CA13: variants seen among roughly 807,000 people sequenced by gnomAD.
The protein encoded by CA13 is CA-XIII.
A neutral mutation model predicts 31.5 loss-of-function variants in CA13; 21 were observed. The observed-to-expected ratio is 0.67, with a 90% CI of 0.47 to 0.96. CA13 has a LOEUF of 0.96. Among genes scored for constraint, CA13 ranks in the 40% least tolerant of loss-of-function variants. The pLI, the probability that CA13 is intolerant of heterozygous loss-of-function variation, is 0.00. For missense variants in CA13, 315 were observed against 318.9 expected (o/e 0.99, Z 0.09); for synonymous variants, 117 against 111.4 (o/e 1.05, Z -0.32).
chr8:85,257,717 A>AC (rs1554689438), intron 2 of CA13, among the ~76,000 whole-genome samples: 2 of 149,920 alleles, frequency 1.3e-5, no homozygotes, highest in East Asian at 1.9e-4. Context: ...AAAAAAAAAA[A>AC]CAAAAACGAA....
chr8:85,261,739 A>G (rs1807383381), intron 3 of CA13, among the ~76,000 whole-genome samples: 1 of 152,150 alleles, frequency 6.6e-6, no homozygotes, highest in African/African-American at 2.4e-5. Context: ...GTATATATAT[A>G]TATATGTTTG....
chr8:85,275,333 T>G (rs1450663084), intron 6 of CA13, among the ~76,000 whole-genome samples: 1 of 152,138 alleles, frequency 6.6e-6, no homozygotes. Flanking sequence ...ACTGGAAGTG[T>G]GCAGGACTGT....
intron 6 of CA13, among the ~76,000 whole-genome samples, chr8:85,275,774 C>T (rs551338103): frequency 6.6e-6 from 1 of 152,330 alleles, no homozygotes; most frequent in Non-Finnish European, 1.5e-5. Context: ...TAACTTTTCC[C>T]CGATTCAACA....
intron 3 of CA13, among the ~76,000 whole-genome samples, chr8:85,263,179 T>A (rs1281199204): frequency 6.6e-6 from 1 of 152,126 alleles, no homozygotes; most frequent in Non-Finnish European, 1.5e-5. Flanking sequence ...GAGGAGAAAG[T>A]CATTGGCCTA....
rs531595623 is a variant in CA13 at position 85,264,440 on chromosome 8, C to CT, written c.355-2159dup. 9.6e-3 allele frequency among the ~76,000 whole-genome samples: 1,453 copies of CT among 150,860 alleles called. 12 individuals are homozygous for CT. The highest frequency in any genetic ancestry group is 0.014 in the Non-Finnish European group (977 of 67,600). On this transcript the variant is annotated intron_variant, in intron 3 of 6. Transcript: ENST00000321764. ...TTGTTAGTCAGGAAATGTGAGTTTG[C>CT]TTTTTTTTTGTTTTAATTAAAATAT... is the stretch of plus-strand genomic sequence containing the variant.
chr8:85,269,875 AT>A (rs200116373), intron 6 of CA13, among the ~76,000 whole-genome samples: 16 of 149,556 alleles, frequency 1.1e-4, no homozygotes, highest in African/African-American at 2.5e-4. Flanking sequence ...TGCCTGGCTT[AT>A]TTTTTTTTTG....
chr8:85,254,890 G>T (rs1375160335), intron 2 of CA13, among the ~76,000 whole-genome samples: 3 of 146,594 alleles, frequency 2.0e-5, no homozygotes, highest in Non-Finnish European at 4.5e-5. Context: ...ATTTTGTAAA[G>T]AAGCCATTTT....
chr8:85,249,903 G>A, intron 1 of CA13: 2 of 420,130 alleles, frequency 4.8e-6, no homozygotes, highest in Non-Finnish European at 9.4e-6. Flanking sequence ...GATTGAAAAG[G>A]GAACTGTTAG....
chr8:85,282,330 CAT>C lies in CA13; in HGVS notation c.*986_*987del, dbSNP rs1415794329. 1 of 152,544 alleles carries C rather than the reference CAT, an allele frequency of 6.6e-6. No homozygotes were observed. The highest frequency in any genetic ancestry group is 1.5e-5 in the Non-Finnish European group (1 of 68,040). 9.4% of individuals were successfully genotyped at this position (152,544 alleles called of 1,614,324 possible). On this transcript the variant is annotated 3_prime_UTR_variant, in exon 7 of 7. Transcript: ENST00000321764. The stretch of plus-strand genomic sequence containing the variant: ...CTATTTACACTGTAATGAATTATAC[CAT>C]ATATGATATTCACTCAGTAATGTTA...
At chr8:85,258,508 T>A (rs1807332232) in intron 2 of CA13, among the ~76,000 whole-genome samples, 1 of 151,930 alleles carries the variant, frequency 6.6e-6, no homozygotes, top group Admixed American at 6.6e-5. Flanking sequence ...AGTAAAAAAC[T>A]GTGTTGATTG....
At chr8:85,256,134 C>T (rs1807292108) in intron 2 of CA13, among the ~76,000 whole-genome samples, 1 of 151,770 alleles carries the variant, frequency 6.6e-6, no homozygotes, top group Admixed American at 6.6e-5. Context: ...GATAAAATTA[C>T]AAACCACCAG....
intron 6 of CA13, among the ~76,000 whole-genome samples, chr8:85,276,441 C>T (rs1409469803): frequency 3.3e-5 from 5 of 152,218 alleles, no homozygotes; most frequent in Admixed American, 3.3e-4. Context: ...GCAGGCAGCT[C>T]CACCTGCAGC....
chr8:85,248,913 TAGA>T (rs1000884345), intron 1 of CA13, among the ~76,000 whole-genome samples: 6 of 152,158 alleles, frequency 3.9e-5, no homozygotes, highest in African/African-American at 1.4e-4. Flanking sequence ...GGCAGTGAAA[TAGA>T]AGGCTTTTTC....
intron 3 of CA13, among the ~76,000 whole-genome samples, chr8:85,261,784 T>G (rs1485323457): frequency 2.0e-5 from 3 of 152,162 alleles, no homozygotes; most frequent in African/African-American, 7.2e-5. Context: ...ACAAAGAAAC[T>G]ATGACCAGCA....
intron 2 of CA13, among the ~76,000 whole-genome samples, chr8:85,251,637 C>G (rs546709653): frequency 6.6e-6 from 1 of 151,520 alleles, no homozygotes; most frequent in Non-Finnish European, 1.5e-5. Flanking sequence ...TAAGTACCTG[C>G]TTTAATAGAA....
chr8:85,266,214 G>T (rs1230091146), intron 3 of CA13, among the ~76,000 whole-genome samples: 1 of 152,174 alleles, frequency 6.6e-6, no homozygotes, highest in Non-Finnish European at 1.5e-5. Flanking sequence ...TTTCTGATAT[G>T]AAGTGTCGCT....
intron 6 of CA13, among the ~76,000 whole-genome samples, chr8:85,278,265 C>CAAAAAA (rs1012685036): frequency 2.6e-5 from 2 of 76,970 alleles, no homozygotes; most frequent in Non-Finnish European, 4.7e-5. Context: ...GACTCTATCT[C>CAAAAAA]AAAAAAAAAA....
chr8:85,279,572 G>T (rs1186437015), intron 6 of CA13, among the ~76,000 whole-genome samples: 1 of 152,182 alleles, frequency 6.6e-6, no homozygotes, highest in Non-Finnish European at 1.5e-5. Context: ...AGTGCTGCTG[G>T]GACAGGGAGC....
intron 1 of CA13, among the ~76,000 whole-genome samples, chr8:85,247,689 C>T (rs1167148275): frequency 1.3e-5 from 2 of 152,134 alleles, no homozygotes; most frequent in African/African-American, 2.4e-5. Flanking sequence ...CCAGCCTCAG[C>T]CCCACCAAGT....
Sources: gnomAD v4.1 joint callset for allele counts (sites outside exome capture counted in the v4.1 genomes callset) on GRCh38, gnomAD v4.1.1 for gene constraint, MANE v1.5 for transcripts, NCBI Gene and HGNC (gene_info 2026-07-23, HGNC 2026-07-21) for gene names.